Variants in LARS2 observed in about 807,000 individuals in gnomAD.
LARS2 encodes leucine--tRNA ligase, mitochondrial.
A neutral mutation model predicts 116.6 loss-of-function variants in LARS2; 81 were observed. The observed-to-expected ratio is 0.69, with a 90% CI of 0.58 to 0.84. The LOEUF (loss-of-function observed/expected upper bound fraction) is 0.84. Ranked by LOEUF, LARS2 falls within the 40% of genes least tolerant of loss-of-function variation. The pLI is 0.00. For synonymous variants in LARS2, 396 were observed against 407.2 expected, an observed-to-expected ratio of 0.97 and a Z score of 0.33; for missense variants, 968 against 1,114.5, an observed-to-expected ratio of 0.87 and a Z score of 1.87.
chr3:45,408,848 C>T (rs1698279116), intron 4 of LARS2, among the ~76,000 whole-genome samples: 1 of 152,150 alleles, frequency 6.6e-6, no homozygotes, highest in African/African-American at 2.4e-5. Flanking sequence ...TTAAACGAAC[C>T]AGGTGGAAAT....
intron 11 of LARS2, 101 bp from the exon 12 acceptor site, chr3:45,488,596 A>T: frequency 1.4e-6 from 1 of 709,320 alleles, no homozygotes; most frequent in South Asian, 1.6e-5. Flanking sequence ...TAAAAGAGAT[A>T]GTCTCCTTTA....
At chr3:45,420,099 C>G (rs1403532345) in intron 6 of LARS2, among the ~76,000 whole-genome samples, 1 of 152,096 alleles carries the variant, frequency 6.6e-6, no homozygotes, top group Non-Finnish European at 1.5e-5. Context: ...ATTGATTGAC[C>G]ATTTATTTAC....
At chr3:45,495,039 G>A (rs1699987247) in intron 13 of LARS2, among the ~76,000 whole-genome samples, 1 of 152,194 alleles carries the variant, frequency 6.6e-6, no homozygotes, top group Non-Finnish European at 1.5e-5. Context: ...CTGCACTCCA[G>A]CCCAGGTGAC....
At chr3:45,428,113 G>T (rs565642052) in intron 6 of LARS2, among the ~76,000 whole-genome samples, 25 of 151,500 alleles carry the variant, frequency 1.7e-4, no homozygotes, top group African/African-American at 6.1e-4. Context: ...GAGCCACCAC[G>T]CCTGGCCACT....
At chr3:45,393,613 T>C (rs1697993681) in intron 2 of LARS2, among the ~76,000 whole-genome samples, 1 of 152,050 alleles carries the variant, frequency 6.6e-6, no homozygotes. Context: ...GAAGGGACTC[T>C]GTTTGTGTTT....
chr3:45,518,907 T>A (rs573670874), intron 18 of LARS2, among the ~76,000 whole-genome samples: 2 of 152,302 alleles, frequency 1.3e-5, no homozygotes, highest in Admixed American at 1.3e-4. Context: ...GCTTTATTTC[T>A]GGCCTCTGTA....
intron 4 of LARS2, among the ~76,000 whole-genome samples, chr3:45,414,995 G>C (rs1248352969): frequency 6.6e-6 from 1 of 152,208 alleles, no homozygotes; most frequent in African/African-American, 2.4e-5. Flanking sequence ...CTGGCTTCCT[G>C]AGACTGTCCC....
intron 7 of LARS2, among the ~76,000 whole-genome samples, chr3:45,457,404 C>G (rs1421209144): frequency 6.6e-6 from 1 of 152,192 alleles, no homozygotes; most frequent in Non-Finnish European, 1.5e-5. Flanking sequence ...TACGGCTAGG[C>G]CTGGTGGCTC....
intron 21 of LARS2, among the ~76,000 whole-genome samples, chr3:45,544,553 C>T (rs1459060247): frequency 6.6e-6 from 1 of 152,170 alleles, no homozygotes; most frequent in East Asian, 1.9e-4. Flanking sequence ...CAGGTGTGAG[C>T]TTATTTACTA....
chr3:45,402,979 C>T (rs1451996058), intron 4 of LARS2, among the ~76,000 whole-genome samples: 1 of 151,798 alleles, frequency 6.6e-6, no homozygotes, highest in African/African-American at 2.4e-5. Context: ...GTGGCCCGTG[C>T]TTGTAATCTG....
intron 6 of LARS2, among the ~76,000 whole-genome samples, chr3:45,438,882 A>C (rs1698854310): frequency 6.6e-6 from 1 of 152,020 alleles, no homozygotes; most frequent in South Asian, 2.1e-4. Flanking sequence ...GATGGAGGAA[A>C]GAGCAATTTG....
At chr3:45,527,175 A>C (rs1036421830) in intron 20 of LARS2, among the ~76,000 whole-genome samples, 9 of 152,198 alleles carry the variant, frequency 5.9e-5, no homozygotes, top group Admixed American at 2.6e-4. Flanking sequence ...TACCGGGGGA[A>C]ACACTGGGCA....
chr3:45,511,924 C>G (rs554219487), intron 15 of LARS2, among the ~76,000 whole-genome samples: 1 of 151,758 alleles, frequency 6.6e-6, no homozygotes, highest in African/African-American at 2.4e-5. Context: ...TACAGGTGCG[C>G]GCCCCCACAC....
At chr3:45,528,688 TTC>T (rs760115917) in intron 20 of LARS2, among the ~76,000 whole-genome samples, 1 of 152,240 alleles carries the variant, frequency 6.6e-6, no homozygotes, top group Non-Finnish European at 1.5e-5. Context: ...GTGTAGTCAT[TTC>T]TGTTTTATTT....
In LARS2 at chr3:45,485,702, G is replaced by T. The variant is rs139192293; in HGVS notation, c.1029G>T (p.Thr343=). The T allele has an allele frequency of 5.6e-6, 9 of 1,601,782 alleles. No homozygotes were observed. The highest frequency in any genetic ancestry group is 7.7e-6 in the Non-Finnish European group (9 of 1,173,230). ...TGCTCTCATTTTCAGATTGCCTCAC[G>T]CCTGTAATGGCTGTGAACATGCTTA... The part of the protein sequence containing the change: ...MALVPGKDCL[T]PVMAVNMLTQ... The change falls in exon 11 of 22, where the codon ACG becomes ACT. Residue 343 remains threonine (T), a synonymous_variant. Transcript: ENST00000645846.
intron 20 of LARS2, among the ~76,000 whole-genome samples, chr3:45,534,777 T>C (rs923013427): frequency 2.6e-5 from 4 of 152,232 alleles, no homozygotes; most frequent in Non-Finnish European, 4.4e-5. Context: ...CTCTATCAAT[T>C]GCTTAAAGAG....
At position 45,493,193 on chromosome 3, in the gene LARS2, G is replaced by A. The variant is rs543467475; in HGVS notation, c.1523+1393G>A. 1.1e-4 allele frequency among the ~76,000 whole-genome samples: 17 copies of A among 151,986 alleles called. No individual in the cohort carries two copies. In the East Asian group the frequency reaches 1.2e-3, roughly 10 times the overall value. ...CGGCTCACTGCCAGCTCCACCTCCC[G>A]CGTTCACACCATTATCCTGCCTCAG... is the stretch of plus-strand genomic sequence containing the variant. On this transcript the variant is annotated intron_variant, in intron 13 of 21. Transcript: ENST00000645846.
intron 14 of LARS2, 49 bp from the exon 15 acceptor site, chr3:45,500,393 A>G (rs766548278): frequency 6.3e-7 from 1 of 1,580,034 alleles, no homozygotes; most frequent in South Asian, 1.2e-5. Flanking sequence ...TAATTTACAC[A>G]ATTGTGGCAA....
rs770989921 is a variant in LARS2, at chr3:45,524,069, G to A, written c.2365G>A (p.Ala789Thr). Reference protein sequence around the residue: ...DALCALMVMAAPLAPHVTSEI... With the variant: ...DALCALMVMATPLAPHVTSEI... ...TTTGTGTGCCCTGATGGTAATGGCT[G>A]CTCCACTGGCCCCTCATGTAACCTC... Residue 789 changes from alanine to threonine, a missense_variant, in exon 20 of 22, where the codon GCT (alanine) becomes ACT (threonine). Coordinates refer to ENST00000645846, the MANE Select transcript of LARS2 (RefSeq NM_015340.4). 3 of 1,613,668 alleles carry A rather than the reference G, an allele frequency of 1.9e-6. No individual in the cohort carries two copies. The highest frequency in any genetic ancestry group is 3.3e-5 in the Admixed American group (2 of 59,988).
Sources: gnomAD v4.1 joint callset for allele counts (sites outside exome capture counted in the v4.1 genomes callset) on GRCh38, gnomAD v4.1.1 for gene constraint, MANE v1.5 for transcripts, NCBI Gene and HGNC (gene_info 2026-07-23, HGNC 2026-07-21) for gene names.